Variants in MAML3 observed in about 807,000 individuals in gnomAD.
MAML3 encodes the protein mastermind like transcriptional coactivator 3.
Under a neutral mutation model 101.9 loss-of-function variants are expected in MAML3, and 27 were observed. The observed-to-expected ratio is 0.27, with a 90% CI of 0.20 to 0.37. The LOEUF (loss-of-function observed/expected upper bound fraction) is 0.37. MAML3 is among the 10% of genes least tolerant of loss of function. The pLI, the probability that MAML3 is intolerant of heterozygous loss-of-function variation, is 1.00. For missense variants in MAML3, 1,316 were observed against 1,444.9 expected (o/e 0.91, Z 1.45); for synonymous variants, 501 against 555.9 (o/e 0.90, Z 1.39).
chr4:139,868,532 G>T (rs1731942162), intron 2 of MAML3, among the ~76,000 whole-genome samples: 1 of 152,142 alleles, frequency 6.6e-6, no homozygotes, highest in South Asian at 2.1e-4. Context: ...AAACTCAAAG[G>T]TCTCTGAGTT....
At chr4:140,078,886 G>A (rs573672923) in intron 1 of MAML3, among the ~76,000 whole-genome samples, 17 of 152,270 alleles carry the variant, frequency 1.1e-4, no homozygotes, top group African/African-American at 3.6e-4. Flanking sequence ...CAACCACCAG[G>A]CCTTAGAGAC....
chr4:140,034,546 A>G (rs1726955553), intron 1 of MAML3, among the ~76,000 whole-genome samples: 1 of 152,132 alleles, frequency 6.6e-6, no homozygotes, highest in Admixed American at 6.5e-5. Context: ...CTCCCAAATG[A>G]TGTCTGATCA....
At chr4:140,049,013 A>C (rs1727225255) in intron 1 of MAML3, among the ~76,000 whole-genome samples, 1 of 152,214 alleles carries the variant, frequency 6.6e-6, no homozygotes, top group Admixed American at 6.5e-5. Context: ...AAAAAGAGAG[A>C]GGAGCAAAGC....
At chr4:139,764,223 C>A (rs770799143) in intron 2 of MAML3, among the ~76,000 whole-genome samples, 16 of 152,226 alleles carry the variant, frequency 1.1e-4, no homozygotes, top group Non-Finnish European at 1.9e-4. Flanking sequence ...TGCTGACGAG[C>A]AAACCTTTTC....
At chr4:140,133,245 A>G (rs1443318933) in intron 1 of MAML3, 1 of 335,658 alleles carries the variant, frequency 3.0e-6, no homozygotes, top group Non-Finnish European at 5.9e-6. Context: ...TCCTGAACCT[A>G]AAACTACAGT....
chr4:139,764,926 A>G lies in MAML3; in HGVS notation c.2080-34259T>C, dbSNP rs565364711. On this transcript the variant is annotated intron_variant, in intron 2 of 4. Coordinates refer to ENST00000509479, the MANE Select transcript of MAML3 (RefSeq NM_018717.5). ...CTGCACCTACTCTGGGCAGCTCCCA[A>G]TGCAGGGCTGGGCCTGGGTTCACGG... Among the ~76,000 whole-genome samples, 252 of 138,196 alleles carry G rather than the reference A, an allele frequency of 1.8e-3. 1 individual carries two copies. The South Asian group carries it at 0.027, about 15-fold the overall frequency. 90.7% of individuals were successfully genotyped at this position (138,196 alleles called of 152,430 possible). A position where few individuals can be genotyped will look rare whatever the true frequency, so the allele number is the denominator to read the frequency against.
chr4:139,832,947 A>T (rs1731194167), intron 2 of MAML3, among the ~76,000 whole-genome samples: 2 of 152,254 alleles, frequency 1.3e-5, no homozygotes. Flanking sequence ...TAGTTAAGAA[A>T]AAACAACAGG....
At chr4:140,042,260 CAG>C (rs1727097183) in intron 1 of MAML3, among the ~76,000 whole-genome samples, 1 of 152,150 alleles carries the variant, frequency 6.6e-6, no homozygotes, top group Admixed American at 6.5e-5. Flanking sequence ...AGGCTGCTGG[CAG>C]AGTTTTCTGT....
At chr4:139,885,932 C>CAAAAAAAAAA (rs1182443191) in intron 2 of MAML3, among the ~76,000 whole-genome samples, 2 of 20,296 alleles carry the variant, frequency 9.9e-5, no homozygotes, top group African/African-American at 1.3e-4. Flanking sequence ...GACTCCGTCT[C>CAAAAAAAAAA]AAAAAAAAAA....
intron 1 of MAML3, among the ~76,000 whole-genome samples, chr4:140,087,861 T>C (rs1033620010): frequency 3.9e-5 from 6 of 152,158 alleles, no homozygotes; most frequent in African/African-American, 1.2e-4. Flanking sequence ...ACCAACTCTT[T>C]ACGATGAAAA....
In MAML3 at chr4:139,891,077, C is replaced by A. The variant is rs1732486700; in HGVS notation, c.469-110G>T. ...TAACTTTTAAGTGGTTTACGACACA[C>A]AGGAAAGAAGTCATACTTATAATTT... On this transcript the variant is annotated intron_variant, in intron 1 of 4. Transcript: ENST00000509479. 3.2e-6 allele frequency: 4 copies of A among 1,264,204 alleles called. 1 individual carries two copies. In the South Asian group the frequency reaches 6.3e-5, roughly 20 times the overall value. 78.3% of individuals were successfully genotyped at this position (1,264,204 alleles called of 1,614,324 possible). A position where few individuals can be genotyped will look rare whatever the true frequency, so the allele number is the denominator to read the frequency against.
chr4:140,088,905 A>G (rs1037107393), intron 1 of MAML3, among the ~76,000 whole-genome samples: 13 of 152,192 alleles, frequency 8.5e-5, no homozygotes, highest in African/African-American at 3.1e-4. Flanking sequence ...TCAGTGTGGA[A>G]TTTCTACAAA....
chr4:139,794,501 T>C (rs1423120655), intron 2 of MAML3: 1 of 152,256 alleles, frequency 6.6e-6, no homozygotes, highest in Non-Finnish European at 1.5e-5. Context: ...TGCCTCTATA[T>C]CAACTCCCAG....
chr4:139,884,365 A>C (rs1031942141), intron 2 of MAML3, among the ~76,000 whole-genome samples: 1 of 152,264 alleles, frequency 6.6e-6, no homozygotes, highest in Admixed American at 6.5e-5. Flanking sequence ...AAATATGAGC[A>C]CATATACTCA....
At chr4:140,129,082 C>T (rs1197928551) in intron 1 of MAML3, among the ~76,000 whole-genome samples, 5 of 152,094 alleles carry the variant, frequency 3.3e-5, no homozygotes, top group Non-Finnish European at 7.4e-5. Flanking sequence ...CAACAAAACT[C>T]TCGGGGGACT....
intron 2 of MAML3, among the ~76,000 whole-genome samples, chr4:139,792,154 C>T (rs1158983825): frequency 1.3e-5 from 2 of 152,140 alleles, no homozygotes; most frequent in Non-Finnish European, 2.9e-5. Context: ...TCCAAGCATG[C>T]GATTCAGCTC....
chr4:140,100,208 C>T (rs760423859), intron 1 of MAML3, among the ~76,000 whole-genome samples: 5 of 152,156 alleles, frequency 3.3e-5, no homozygotes, highest in Non-Finnish European at 5.9e-5. Context: ...AAGGCTTAGC[C>T]CCAGTGCCAC....
intron 1 of MAML3, among the ~76,000 whole-genome samples, chr4:139,948,764 GACACTA>G (rs1034930347): frequency 6.6e-5 from 10 of 152,122 alleles, no homozygotes; most frequent in Non-Finnish European, 1.5e-4. Flanking sequence ...ACACTTACAT[GACACTA>G]TGTATGGACA....
At chr4:140,104,378 T>TATATAATATATTATATATTATATA (rs1728304215) in intron 1 of MAML3, among the ~76,000 whole-genome samples, 5 of 90,416 alleles carry the variant, frequency 5.5e-5, no homozygotes, top group African/African-American at 2.1e-4. Flanking sequence ...ATATATATAA[T>TATATAATATATTATATATTATATA]ATATATATAT....
Sources: allele counts gnomAD v4.1 joint callset (sites outside exome capture counted in the v4.1 genomes callset), GRCh38; gene constraint gnomAD v4.1.1; transcripts MANE v1.5; gene names NCBI Gene and HGNC (gene_info 2026-07-23, HGNC 2026-07-21).